The following CFAP46 variants were observed in gnomAD, a reference collection of about 807,000 sequenced individuals.
The protein encoded by CFAP46 is cilia- and flagella-associated protein 46.
Under a neutral mutation model 325.7 loss-of-function variants are expected in CFAP46, and 245 were observed. The ratio of observed to expected loss-of-function variants is 0.75; its 90% CI spans 0.68 to 0.84. CFAP46 has a LOEUF of 0.84. Among genes scored for constraint, CFAP46 ranks in the 40% least tolerant of loss-of-function variants. The pLI is 0.00. For missense variants in CFAP46, 3,346 were observed against 3,543.0 expected, an observed-to-expected ratio of 0.94 and a Z score of 1.41; for synonymous variants, 1,523 against 1,495.9, an observed-to-expected ratio of 1.02 and a Z score of -0.42.
chr10:132,864,795 G>A (rs1307811951), intron 35 of CFAP46, among the ~76,000 whole-genome samples: 1 of 127,824 alleles, frequency 7.8e-6, no homozygotes, highest in Non-Finnish European at 1.6e-5. Flanking sequence ...CCCTGCTTGA[G>A]ACCTGCACAC....
chr10:132,824,843 A>T (rs1396057978), intron 50 of CFAP46, among the ~76,000 whole-genome samples: 7 of 86,966 alleles, frequency 8.0e-5, no homozygotes, highest in South Asian at 3.9e-4. Context: ...GTGCTGTGTG[A>T]GCGCTGATGT....
Position 132,937,541 on chromosome 10 carries a change from C to G in CFAP46, c.660+11G>C, listed in dbSNP as rs376689227. On this transcript the variant is annotated intron_variant, in intron 6 of 57. Transcript: ENST00000368586. ...ACTTCTTACGTCTCTATTTCTAATA[C>G]GCTGATTTACCATAACAGAGAATAT... is the stretch of plus-strand genomic sequence containing the variant. 52 of 1,612,958 alleles carry G rather than the reference C, an allele frequency of 3.2e-5. No individual in the cohort carries two copies. Among genetic ancestry groups the G allele is most frequent in the Non-Finnish European group, 4.2e-5 (50 of 1,179,876 alleles).
At chr10:132,874,370 G>A (rs1194013086) in intron 31 of CFAP46, among the ~76,000 whole-genome samples, 4 of 141,070 alleles carry the variant, frequency 2.8e-5, no homozygotes, top group Non-Finnish European at 4.6e-5. Flanking sequence ...TGCATAGATG[G>A]AGAAAAATAT....
intron 4 of CFAP46, 59 bp downstream of exon 4, chr10:132,940,937 T>C: frequency 1.3e-6 from 2 of 1,535,420 alleles, no homozygotes; most frequent in Non-Finnish European, 1.8e-6. Context: ...ACTTGATAAG[T>C]TCTGGCTCTG....
Position 132,872,762 on chromosome 10 carries a change from T to C in CFAP46, c.4425A>G (p.Glu1475=). ...CCAACTGCAGGACGGGAACCGTGAG[T>C]TCGTGCAGGCACATCTTCTGCAGGG... ...VKALQKMCLH[E]LTVPVLQLGV... is the part of the protein sequence containing the mutation. Residue 1475 remains glutamate, a synonymous_variant, in exon 32 of 58, where the codon GAA becomes GAG. Coordinates refer to ENST00000368586, the MANE Select transcript of CFAP46 (RefSeq NM_001200049.3). 6.4e-7 allele frequency: 1 copy of C among 1,550,928 alleles called. No individual in the cohort carries two copies. Among genetic ancestry groups the C allele is most frequent in the Non-Finnish European group, 8.7e-7 (1 of 1,147,094 alleles).
chr10:132,909,465 C>A (rs1169218437), intron 20 of CFAP46, among the ~76,000 whole-genome samples: 2 of 152,234 alleles, frequency 1.3e-5, no homozygotes, highest in African/African-American at 4.8e-5. Context: ...TGTGAGGCAG[C>A]CTTGTCTGAA....
intron 7 of CFAP46, among the ~76,000 whole-genome samples, chr10:132,935,426 C>G (rs1005154258): frequency 6.9e-6 from 1 of 144,088 alleles, no homozygotes; most frequent in African/African-American, 2.8e-5. Context: ...GAGATCTTCT[C>G]ATTCCCCTCA....
In CFAP46 at chr10:132,809,103, C is replaced by T. The variant is rs142895984; in HGVS notation, c.7665-199G>A. ...CACCGAGGTGTCCAGGCCCGCGCAGCCGGGTGACGGCACCAGGACTGGACC... is the reference window on the plus strand; with the variant it reads ...CACCGAGGTGTCCAGGCCCGCGCAGTCGGGTGACGGCACCAGGACTGGACC... On this transcript the variant is annotated intron_variant, in intron 57 of 57. Transcript: ENST00000368586. Among the ~76,000 whole-genome samples the T allele has an allele frequency of 9.2e-5, 14 of 152,238 alleles. 1 individual carries two copies. The East Asian group carries it at 2.7e-3, about 30-fold the overall frequency.
rs1424676114 is a variant in CFAP46, at chr10:132,879,596, G to T, written c.3835C>A (p.Pro1279Thr). The T allele has an allele frequency of 6.5e-7, 1 of 1,544,382 alleles. No homozygotes were observed. The highest frequency in any genetic ancestry group is 8.7e-7 in the Non-Finnish European group (1 of 1,144,828). ...ACCGCCTCCTCGGCCTCGGACACGG[G>T]GCTCCGTGGGGGCATCTCCACAGCC... ...YVAVEMPPRS[P>T]VSEAEEAVSL... Residue 1279 changes from proline to threonine, a missense_variant, in exon 29 of 58, where the codon CCC (proline) becomes ACC (threonine). Coordinates refer to ENST00000368586, the MANE Select transcript of CFAP46 (RefSeq NM_001200049.3).
At chr10:132,937,296 T>A in intron 6 of CFAP46, 1 of 552,154 alleles carries the variant, frequency 1.8e-6, no homozygotes, top group South Asian at 3.0e-5. Flanking sequence ...TCAAAGCTAT[T>A]ACAAAGGAAA....
rs59099899 is a variant in CFAP46, at chr10:132,895,979, C to CCA, written c.3219+2978_3219+2979dup. Among the ~76,000 whole-genome samples the CCA allele has an allele frequency of 5.6e-4, 45 of 80,426 alleles. 4 individuals are homozygous for CCA. The highest frequency in any genetic ancestry group is 3.1e-3 in the African/African-American group (37 of 11,810). 52.8% of individuals were successfully genotyped at this position (80,426 alleles called of 152,430 possible). A position where few individuals can be genotyped will look rare whatever the true frequency, so the allele number is the denominator to read the frequency against. On this transcript the variant is annotated intron_variant, in intron 24 of 57. Transcript: ENST00000368586. Reference sequence around the variant, plus strand: ...CGAGAAGGCAGCTAGGCTCTGTGTGCCATGAGACACGGCGAGAAGGCAGCC... The same window carrying CCA: ...CGAGAAGGCAGCTAGGCTCTGTGTGCCACATGAGACACGGCGAGAAGGCAGCC...
At chr10:132,925,482 C>T (rs1342076549) in intron 10 of CFAP46, among the ~76,000 whole-genome samples, 2 of 152,244 alleles carry the variant, frequency 1.3e-5, no homozygotes, top group Admixed American at 6.5e-5. Flanking sequence ...ACGCCGGTGC[C>T]GGCCCCTCTG....
At chr10:132,938,151 G>A (rs2135738153) in intron 5 of CFAP46, among the ~76,000 whole-genome samples, 1 of 152,336 alleles carries the variant, frequency 6.6e-6, no homozygotes, top group South Asian at 2.1e-4. Flanking sequence ...ACCCCTCAGG[G>A]CTGAGACCCA....
At chr10:132,938,304 A>G (rs1850042377) in intron 5 of CFAP46, among the ~76,000 whole-genome samples, 1 of 152,286 alleles carries the variant, frequency 6.6e-6, no homozygotes, top group Non-Finnish European at 1.5e-5. Flanking sequence ...ACCGTGAGCC[A>G]GGCTGCGTGG....
At position 132,926,670 on chromosome 10, in the gene CFAP46, C is replaced by A; in HGVS notation, c.967-4G>T. On this transcript the variant is annotated splice_region_variant and splice_polypyrimidine_tract_variant and intron_variant, in intron 9 of 57. Coordinates refer to ENST00000368586, the MANE Select transcript of CFAP46 (RefSeq NM_001200049.3). ...TTTCAATAAGCTTCCCAGGATCCTG[C>A]AGATATAAACAGTTTTTGAAAAGAT... 2.0e-6 allele frequency: 3 copies of A among 1,532,404 alleles called. No homozygotes were observed. Among genetic ancestry groups the A allele is most frequent in the Non-Finnish European group, 2.6e-6 (3 of 1,143,470 alleles). The allele number at this position is 1,532,404 out of a possible 1,614,324, so 94.9% of individuals were successfully genotyped here. A position where few individuals can be genotyped will look rare whatever the true frequency, so the allele number is the denominator to read the frequency against.
At chr10:132,916,107 T>C (rs1849633362) in intron 17 of CFAP46, among the ~76,000 whole-genome samples, 1 of 152,176 alleles carries the variant, frequency 6.6e-6, no homozygotes, top group South Asian at 2.1e-4. Flanking sequence ...GCCAAGGCAG[T>C]CCTCGATAGC....
In CFAP46 at chr10:132,860,966, C is replaced by T; in HGVS notation, c.4907G>A (p.Cys1636Tyr). 1.3e-6 allele frequency: 2 copies of T among 1,550,642 alleles called. No homozygotes were observed. The highest frequency in any genetic ancestry group is 1.7e-6 in the Non-Finnish European group (2 of 1,147,030). ...YLAFQELDEP[C>Y]AEAQCLLLLA... ...GAGGAGCAGGCACTGGGCCTCTGCA[C>T]AAGGCTCATCCAGCTCCTGAAGGAG... Residue 1636 changes from cysteine to tyrosine, a missense_variant, in exon 36 of 58, where the codon TGT (cysteine) becomes TAT (tyrosine). By Grantham distance (194) the Cys-to-Tyr change is radical. Transcript: ENST00000368586.
rs564221334 is a variant in CFAP46, at chr10:132,878,689, G to T, written c.4006-602C>A. Among the ~76,000 whole-genome samples, 85 of 152,306 alleles carry T rather than the reference G, an allele frequency of 5.6e-4. 1 individual carries two copies. Among genetic ancestry groups the T allele is most frequent in the African/African-American group, 1.4e-3 (59 of 41,580 alleles). Reference sequence around the variant, plus strand: ...GGGTCTGGCAGTGGTTGAGGCTGGTGGGGGGTTAGCGTGGAGCATTCTGAA... The same window carrying T: ...GGGTCTGGCAGTGGTTGAGGCTGGTTGGGGGTTAGCGTGGAGCATTCTGAA... On this transcript the variant is annotated intron_variant, in intron 29 of 57. Coordinates refer to ENST00000368586, the MANE Select transcript of CFAP46 (RefSeq NM_001200049.3).
rs749293888 is a variant in CFAP46, at chr10:132,808,952, G to C, written c.7665-48C>G. ...TATGAACCCCGAGGCCCCGCAGGAC[G>C]TCCAGCCCGGTGAGGACCAGGGCAC... On this transcript the variant is annotated intron_variant, in intron 57 of 57. Transcript: ENST00000368586. This position sits in a 1 kb window ranked among gnomAD's most constrained non-coding sequence, Gnocchi z 6.8. 6.6e-7 allele frequency: 1 copy of C among 1,508,074 alleles called. No individual in the cohort carries two copies. Among genetic ancestry groups the C allele is most frequent in the Non-Finnish European group, 8.9e-7 (1 of 1,120,622 alleles). The allele number at this position is 1,508,074 out of a possible 1,614,324, so 93.4% of individuals were successfully genotyped here.
Sources: allele counts gnomAD v4.1 joint callset (sites outside exome capture counted in the v4.1 genomes callset), GRCh38; gene constraint gnomAD v4.1.1; non-coding constraint Gnocchi (gnomAD v3.1); transcripts MANE v1.5; gene names NCBI Gene and HGNC (gene_info 2026-07-23, HGNC 2026-07-21).